The following TRDN variants were observed in gnomAD, a reference collection of about 807,000 sequenced individuals.
TRDN encodes the protein triadin.
In TRDN, 161 loss-of-function variants were observed where a neutral mutation model predicts 149.7. The observed-to-expected ratio is 1.08, with a 90% CI of 0.95 to 1.23. The LOEUF (loss-of-function observed/expected upper bound fraction) is 1.23. Ranked by LOEUF, TRDN falls within the 50% of genes most tolerant of loss-of-function variation. The pLI, the probability that TRDN is intolerant of heterozygous loss-of-function variation, is 0.00. For synonymous variants in TRDN, 294 were observed against 250.5 expected (o/e 1.17, Z -1.64); for missense variants, 896 against 823.5 (o/e 1.09, Z -1.08).
At chr6:123,265,427 C>G (rs1776907943) in intron 32 of TRDN, 89 bp from the exon 33 acceptor site, 2 of 839,456 alleles carry the variant, frequency 2.4e-6, no homozygotes, top group Admixed American at 3.9e-5. Context: ...CCTATTTTTG[C>G]TTTTTATTGT....
intron 20 of TRDN, among the ~76,000 whole-genome samples, chr6:123,356,902 AT>A (rs974872634): frequency 1.3e-5 from 2 of 151,282 alleles, no homozygotes; most frequent in African/African-American, 4.8e-5. Context: ...AGCATTCATA[AT>A]TTTTATTGTA....
At chr6:123,552,684 T>G (rs146781986) in intron 2 of TRDN, among the ~76,000 whole-genome samples, 118 of 152,298 alleles carry the variant, frequency 7.7e-4, no homozygotes, top group African/African-American at 2.6e-3. Flanking sequence ...AAATTTAAAC[T>G]CTGCCTGAAA....
intron 1 of TRDN, among the ~76,000 whole-genome samples, chr6:123,633,962 A>T (rs1392957471): frequency 6.6e-6 from 1 of 152,044 alleles, no homozygotes; most frequent in Non-Finnish European, 1.5e-5. Context: ...TCTTCCCAAA[A>T]CTTGAGATGA....
At chr6:123,254,976 A>G (rs757533704) in intron 37 of TRDN, 105 bp downstream of exon 37, 57 of 699,668 alleles carry the variant, frequency 8.1e-5, no homozygotes, top group Non-Finnish European at 1.3e-4. Context: ...AGAAGTTTGC[A>G]TCTTCTAGAT....
intron 25 of TRDN, among the ~76,000 whole-genome samples, chr6:123,278,715 A>G (rs2114626855): frequency 6.6e-6 from 1 of 152,296 alleles, no homozygotes; most frequent in African/African-American, 2.4e-5. Context: ...GGTTGCAGTG[A>G]GCAGAGATCA....
intron 3 of TRDN, 57 bp from the exon 4 acceptor site, chr6:123,547,429 T>A: frequency 1.0e-6 from 1 of 998,202 alleles, no homozygotes; most frequent in Non-Finnish European, 1.4e-6. Flanking sequence ...TAGAATAATA[T>A]GACATCATTA....
chr6:123,341,916 G>A (rs750521580), intron 21 of TRDN, among the ~76,000 whole-genome samples: 2 of 151,956 alleles, frequency 1.3e-5, no homozygotes, highest in Admixed American at 6.6e-5. Context: ...CAGTATTCTA[G>A]TCTTTTTGAT....
chr6:123,243,650 A>C (rs1337512011), intron 38 of TRDN, among the ~76,000 whole-genome samples: 1 of 152,186 alleles, frequency 6.6e-6, no homozygotes, highest in Non-Finnish European at 1.5e-5. Context: ...AACACATTGG[A>C]AACCTTTATC....
chr6:123,615,270 C>A (rs1177996201), intron 1 of TRDN, among the ~76,000 whole-genome samples: 1 of 152,094 alleles, frequency 6.6e-6, no homozygotes. Flanking sequence ...AATATAACTA[C>A]CATTGATCCA....
intron 12 of TRDN, among the ~76,000 whole-genome samples, chr6:123,418,090 C>T (rs1008163592): frequency 2.0e-5 from 3 of 152,082 alleles, no homozygotes; most frequent in African/African-American, 7.2e-5. Flanking sequence ...GATTCAGACA[C>T]TAATAAGAAC....
intron 12 of TRDN, among the ~76,000 whole-genome samples, chr6:123,394,315 A>T (rs1018077011): frequency 6.6e-6 from 1 of 152,176 alleles, no homozygotes; most frequent in Non-Finnish European, 1.5e-5. Context: ...ATTAAAAAAA[A>T]ACTTATATGA....
intron 24 of TRDN, among the ~76,000 whole-genome samples, chr6:123,294,173 A>T (rs974806061): frequency 6.6e-6 from 1 of 152,158 alleles, no homozygotes; most frequent in Non-Finnish European, 1.5e-5. Context: ...TGCTACACAT[A>T]TATTAACAAC....
At chr6:123,505,874 T>C (rs985135063) in intron 7 of TRDN, among the ~76,000 whole-genome samples, 36 of 152,076 alleles carry the variant, frequency 2.4e-4, no homozygotes, top group African/African-American at 7.2e-4. Flanking sequence ...TAATTTTGTA[T>C]TGTTAGTAGA....
intron 10 of TRDN, among the ~76,000 whole-genome samples, chr6:123,463,262 G>T (rs1362071074): frequency 6.6e-6 from 1 of 151,596 alleles, no homozygotes; most frequent in East Asian, 1.9e-4. Flanking sequence ...GCGTGAACCC[G>T]GGAGGCGGAG....
At chr6:123,403,537 A>G (rs1487179630) in intron 12 of TRDN, among the ~76,000 whole-genome samples, 1 of 152,180 alleles carries the variant, frequency 6.6e-6, no homozygotes, top group Non-Finnish European at 1.5e-5. Flanking sequence ...GGGAAATGGG[A>G]AGACAATTAG....
At chr6:123,347,866 A>G (rs1780315631) in intron 21 of TRDN, among the ~76,000 whole-genome samples, 1 of 152,118 alleles carries the variant, frequency 6.6e-6, no homozygotes, top group Non-Finnish European at 1.5e-5. Flanking sequence ...AGCTAAACTA[A>G]GCCCAAAGTT....
intron 19 of TRDN, among the ~76,000 whole-genome samples, chr6:123,368,024 A>ATC (rs1781181841): frequency 6.6e-6 from 1 of 152,124 alleles, no homozygotes; most frequent in Non-Finnish European, 1.5e-5. Flanking sequence ...TCACTCCTGT[A>ATC]TCTTCAGCCT....
rs764682793 is a variant in TRDN at position 123,503,818 on chromosome 6, G to T, written c.694C>A (p.Gln232Lys). 1.9e-5 allele frequency: 30 copies of T among 1,609,830 alleles called. No homozygotes were observed. The highest frequency in any genetic ancestry group is 2.5e-5 in the Non-Finnish European group (29 of 1,177,730). Reference sequence around the variant, plus strand: ...ACTTCTTTTACTTTTGCAGCTGTTTGCTTCACTTTCTCCTGTTTTCCACCT... The same window carrying T: ...ACTTCTTTTACTTTTGCAGCTGTTTTCTTCACTTTCTCCTGTTTTCCACCT... ...VKGGKQEKVK[Q>K]TAAKVKEVQK... Residue 232 changes from glutamine to lysine, a missense_variant, in exon 8 of 41, where the codon CAA becomes AAA. Coordinates refer to ENST00000334268, the MANE Select transcript of TRDN (RefSeq NM_006073.4).
chr6:123,409,782 T>C (rs750362079), intron 12 of TRDN, among the ~76,000 whole-genome samples: 1 of 151,910 alleles, frequency 6.6e-6, no homozygotes, highest in South Asian at 2.1e-4. Flanking sequence ...TTATAAGGGA[T>C]AGAGATTTTA....
Sources: gnomAD v4.1 joint callset for allele counts (sites outside exome capture counted in the v4.1 genomes callset) on GRCh38, gnomAD v4.1.1 for gene constraint, MANE v1.5 for transcripts, NCBI Gene and HGNC (gene_info 2026-07-23, HGNC 2026-07-21) for gene names.